ARHGAP24: variants seen among roughly 807,000 people sequenced by gnomAD.
ARHGAP24 encodes the protein rho GTPase-activating protein 24.
A neutral mutation model predicts 76.4 loss-of-function variants in ARHGAP24; 50 were observed. That is an observed-to-expected ratio of 0.65 (90% confidence interval 0.52 to 0.83). The LOEUF is 0.83. Ranked by LOEUF, ARHGAP24 falls within the 40% of genes least tolerant of loss-of-function variation. ARHGAP24 has a pLI of 0.00. For synonymous variants in ARHGAP24, 345 were observed against 323.3 expected (o/e 1.07, Z -0.72); for missense variants, 930 against 914.2 (o/e 1.02, Z -0.22).
chr4:85,590,224 T>G (rs921916043), intron 2 of ARHGAP24, among the ~76,000 whole-genome samples: 6 of 137,498 alleles, frequency 4.4e-5, no homozygotes, highest in Non-Finnish European at 6.3e-5. Context: ...CTTCCTTCCT[T>G]CCTTCCTTCC....
chr4:85,640,397 G>T (rs1347089136), intron 2 of ARHGAP24, among the ~76,000 whole-genome samples: 2 of 152,106 alleles, frequency 1.3e-5, no homozygotes, highest in Admixed American at 6.6e-5. Flanking sequence ...GTGGCCCCTT[G>T]TGGCATGGCA....
At chr4:85,507,295 C>A (rs1365077783) in intron 1 of ARHGAP24, among the ~76,000 whole-genome samples, 1 of 152,090 alleles carries the variant, frequency 6.6e-6, no homozygotes, top group Admixed American at 6.5e-5. Context: ...GATCATGGCT[C>A]ACTGTAGCCT....
At chr4:85,970,792 T>G (rs1487611643) in intron 5 of ARHGAP24, among the ~76,000 whole-genome samples, 1 of 152,134 alleles carries the variant, frequency 6.6e-6, no homozygotes, top group African/African-American at 2.4e-5. Flanking sequence ...TGTTCACTAC[T>G]ACTCTTCCCG....
chr4:85,497,675 C>G (rs2110097239), intron 1 of ARHGAP24, among the ~76,000 whole-genome samples: 2 of 152,192 alleles, frequency 1.3e-5, no homozygotes, highest in South Asian at 4.1e-4. Context: ...TACAAATTAG[C>G]TGGACGTGGT....
At position 85,974,078 on chromosome 4, in the gene ARHGAP24, G is replaced by C. The variant is rs192295720; in HGVS notation, c.733-810G>C. On this transcript the variant is annotated intron_variant, in intron 6 of 9. Coordinates refer to ENST00000395184, the MANE Select transcript of ARHGAP24 (RefSeq NM_001025616.3). The stretch of plus-strand genomic sequence containing the variant: ...TCACCTTGTTAGCCAGGATGGTCTC[G>C]ATCTCCTGACCCCGTGATCCACCTA... Among the ~76,000 whole-genome samples the C allele has an allele frequency of 5.4e-5, 8 of 147,766 alleles. 1 individual carries two copies. In the Middle Eastern group the frequency reaches 0.022, roughly 407 times the overall value.
intron 2 of ARHGAP24, among the ~76,000 whole-genome samples, chr4:85,713,427 T>C (rs1295061158): frequency 1.3e-5 from 2 of 152,182 alleles, no homozygotes; most frequent in Non-Finnish European, 2.9e-5. Flanking sequence ...AAAATAAAAA[T>C]CATCTATAAC....
At chr4:85,581,262 CTTATTG>C (rs1319839018) in intron 2 of ARHGAP24, among the ~76,000 whole-genome samples, 1 of 152,020 alleles carries the variant, frequency 6.6e-6, no homozygotes, top group Non-Finnish European at 1.5e-5. Context: ...TCTCTTCTGA[CTTATTG>C]TTTATGTTCA....
chr4:85,973,830 A>ACTGTTT (rs1739134261), intron 6 of ARHGAP24, among the ~76,000 whole-genome samples: 1 of 36,966 alleles, frequency 2.7e-5, no homozygotes, highest in Non-Finnish European at 4.5e-5. Context: ...ACTGCTGCCT[A>ACTGTTT]TTGTTTTTTT....
chr4:85,916,960 G>A (rs1286915813), intron 3 of ARHGAP24, among the ~76,000 whole-genome samples: 3 of 152,154 alleles, frequency 2.0e-5, no homozygotes, highest in Non-Finnish European at 4.4e-5. Flanking sequence ...TGTGCACGAT[G>A]TGCAGGTTAG....
chr4:85,780,118 A>T (rs2110083727), intron 3 of ARHGAP24, among the ~76,000 whole-genome samples: 1 of 152,286 alleles, frequency 6.6e-6, no homozygotes, highest in Admixed American at 6.5e-5. Flanking sequence ...TGCATGGTAT[A>T]TAAGGCTATT....
At chr4:85,902,793 G>A (rs533790651) in intron 3 of ARHGAP24, among the ~76,000 whole-genome samples, 37 of 152,252 alleles carry the variant, frequency 2.4e-4, no homozygotes, top group African/African-American at 8.9e-4. Context: ...TATTAAAGAC[G>A]AGTTTTTGCC....
intron 3 of ARHGAP24, among the ~76,000 whole-genome samples, chr4:85,750,189 CAGTT>C (rs1287328649): frequency 2.0e-5 from 3 of 152,088 alleles, no homozygotes; most frequent in Admixed American, 2.0e-4. Flanking sequence ...GTATAAGTGT[CAGTT>C]AGTGATAAGT....
At chr4:85,795,049 T>C (rs1728288633) in intron 3 of ARHGAP24, among the ~76,000 whole-genome samples, 1 of 152,160 alleles carries the variant, frequency 6.6e-6, no homozygotes, top group Admixed American at 6.5e-5. Context: ...TCGGAATTCG[T>C]AGATAATCTC....
intron 3 of ARHGAP24, among the ~76,000 whole-genome samples, chr4:85,790,283 CA>C (rs2110094406): frequency 6.6e-6 from 1 of 152,266 alleles, no homozygotes; most frequent in East Asian, 1.9e-4. Context: ...GCACACAAAT[CA>C]TTCTTTTTCA....
chr4:85,747,866 G>A (rs1485764247), intron 3 of ARHGAP24, among the ~76,000 whole-genome samples: 6 of 152,164 alleles, frequency 3.9e-5, no homozygotes, highest in Admixed American at 3.9e-4. Context: ...TATAAAAATG[G>A]TGCTGTGAAT....
At chr4:85,971,412 A>G (rs1738973759) in intron 5 of ARHGAP24, among the ~76,000 whole-genome samples, 1 of 152,180 alleles carries the variant, frequency 6.6e-6, no homozygotes. Flanking sequence ...ACCTTTGCTT[A>G]CCATCAAATA....
intron 3 of ARHGAP24, among the ~76,000 whole-genome samples, chr4:85,745,152 C>T (rs1022749822): frequency 2.8e-4 from 43 of 151,990 alleles, no homozygotes; most frequent in African/African-American, 9.9e-4. Context: ...ATAAATTTAA[C>T]CAGCGGCCGG....
chr4:85,800,364 C>A (rs976227606), intron 3 of ARHGAP24, among the ~76,000 whole-genome samples: 1 of 152,150 alleles, frequency 6.6e-6, no homozygotes, highest in South Asian at 2.1e-4. Flanking sequence ...GCTCTTTGCT[C>A]TTGTACCAGA....
intron 3 of ARHGAP24, among the ~76,000 whole-genome samples, chr4:85,864,023 C>T (rs1230948230): frequency 3.3e-5 from 5 of 152,102 alleles, no homozygotes; most frequent in East Asian, 3.9e-4. Context: ...GAAGACTGGT[C>T]GTCCCATCTT....
Sources: gnomAD v4.1 joint callset for allele counts (sites outside exome capture counted in the v4.1 genomes callset) on GRCh38, gnomAD v4.1.1 for gene constraint, MANE v1.5 for transcripts, NCBI Gene and HGNC (gene_info 2026-07-23, HGNC 2026-07-21) for gene names.